CLDN1: variants seen among roughly 807,000 people sequenced by gnomAD.
The protein encoded by CLDN1 is claudin-1.
Under a neutral mutation model 22.6 loss-of-function variants are expected in CLDN1, and 12 were observed. The observed-to-expected ratio is 0.53, with a 90% CI of 0.34 to 0.86. CLDN1 has a LOEUF of 0.86. Among genes scored for constraint, CLDN1 ranks in the 40% least tolerant of loss-of-function variants. The probability of loss-of-function intolerance (pLI) is 0.02; values close to 1 mark genes in which losing one functional copy is unlikely to be tolerated. For missense variants in CLDN1, 250 were observed against 269.5 expected (o/e 0.93, Z 0.51); for synonymous variants, 99 against 103.8 (o/e 0.95, Z 0.28).
rs1350097497 is a variant in CLDN1 at position 190,305,802 on chromosome 3, G to T, written c.*2475C>A. The T allele has an allele frequency of 1.3e-5, 2 of 152,126 alleles. No individual in the cohort carries two copies. Among genetic ancestry groups the T allele is most frequent in the African/African-American group, 4.8e-5 (2 of 41,422 alleles). 9.4% of individuals were successfully genotyped at this position (152,126 alleles called of 1,614,324 possible). On this transcript the variant is annotated 3_prime_UTR_variant, in exon 4 of 4. Coordinates refer to ENST00000295522, the MANE Select transcript of CLDN1 (RefSeq NM_021101.5). The stretch of plus-strand genomic sequence containing the variant: ...AAAATGTCTATTGGTCTGTTTCCAG[G>T]TGTGGTAGAAGAATATAAAAAGATC...
At chr3:190,313,130 GA>G in intron 1 of CLDN1, 94 bp from the exon 2 acceptor site, 1 of 1,440,698 alleles carries the variant, frequency 6.9e-7, no homozygotes, top group South Asian at 1.2e-5. Flanking sequence ...TTGTATGGAA[GA>G]GAGAAAACTG....
At chr3:190,310,310 C>T (rs573951377) in intron 2 of CLDN1, 57 bp from the exon 3 acceptor site, 147 of 1,363,292 alleles carry the variant, frequency 1.1e-4, no homozygotes, top group Non-Finnish European at 1.5e-4. Context: ...AGCCTAAATA[C>T]ACAACCTGTT....
At chr3:190,321,694 G>A (rs1350330524) in intron 1 of CLDN1, among the ~76,000 whole-genome samples, 2 of 152,082 alleles carry the variant, frequency 1.3e-5, no homozygotes, top group Non-Finnish European at 2.9e-5. Context: ...TTCAAGTTTG[G>A]CCTTCACTCC....
chr3:190,316,102 G>A (rs1217563558), intron 1 of CLDN1, among the ~76,000 whole-genome samples: 4 of 152,232 alleles, frequency 2.6e-5, no homozygotes, highest in Admixed American at 2.0e-4. Flanking sequence ...TGATTGCTAA[G>A]AAACCTATCA....
In CLDN1 at chr3:190,308,304, T is replaced by C. The variant is rs1266558189; in HGVS notation, c.609A>G (p.Ala203=). The C allele has an allele frequency of 6.2e-7, 1 of 1,613,812 alleles. No individual in the cohort carries two copies. Among genetic ancestry groups the C allele is most frequent in the Non-Finnish European group, 8.5e-7 (1 of 1,179,834 alleles). Reference sequence around the variant, plus strand: ...ACACGTAGTCTTTCCCGCTGGAAGGTGCAGGTTTTGGATAGGGCCTTGGTG... The same window carrying C: ...ACACGTAGTCTTTCCCGCTGGAAGGCGCAGGTTTTGGATAGGGCCTTGGTG... ...YPTPRPYPKP[A]PSSGKDYV Residue 203 remains alanine, a synonymous_variant, in exon 4 of 4, where the codon GCA becomes GCG. Coordinates refer to ENST00000295522, the MANE Select transcript of CLDN1 (RefSeq NM_021101.5).
At chr3:190,319,376 C>T (rs1200143139) in intron 1 of CLDN1, among the ~76,000 whole-genome samples, 1 of 152,152 alleles carries the variant, frequency 6.6e-6, no homozygotes, top group Admixed American at 6.5e-5. Flanking sequence ...CTACAATACA[C>T]AATGTGACAT....
At position 190,308,264 on chromosome 3, in the gene CLDN1, T is replaced by G. The variant is rs867085422; in HGVS notation, c.*13A>C. 1 of 1,613,662 alleles carries G rather than the reference T, an allele frequency of 6.2e-7. No individual in the cohort carries two copies. Among genetic ancestry groups the G allele is most frequent in the Middle Eastern group, 1.7e-4 (1 of 6,048 alleles). On this transcript the variant is annotated 3_prime_UTR_variant, in exon 4 of 4. Coordinates refer to ENST00000295522, the MANE Select transcript of CLDN1 (RefSeq NM_021101.5). The stretch of plus-strand genomic sequence containing the variant: ...GGTTTGTTTCAACATGATTTTCTCC[T>G]TTTGCCTCTGTGTCACACGTAGTCT...
At chr3:190,321,511 T>C (rs887625462) in intron 1 of CLDN1, among the ~76,000 whole-genome samples, 2 of 152,198 alleles carry the variant, frequency 1.3e-5, no homozygotes, top group African/African-American at 4.8e-5. Context: ...AAAAATCATA[T>C]TAAAGGTTAA....
chr3:190,316,074 G>A (rs921574899), intron 1 of CLDN1, among the ~76,000 whole-genome samples: 1 of 152,116 alleles, frequency 6.6e-6, no homozygotes, highest in African/African-American at 2.4e-5. Flanking sequence ...AGGGGCTGGG[G>A]ACTGATATTC....
chr3:190,322,242 C>T lies in CLDN1; in HGVS notation c.-36G>A. 2 of 1,594,586 alleles carry T rather than the reference C, an allele frequency of 1.3e-6. No homozygotes were observed. The highest frequency in any genetic ancestry group is 1.7e-6 in the Non-Finnish European group (2 of 1,164,820). On this transcript the variant is annotated 5_prime_UTR_variant, in exon 1 of 4. Coordinates refer to ENST00000295522, the MANE Select transcript of CLDN1 (RefSeq NM_021101.5). ...GGCGCCCGCGCTGGCTCAGGGGTGG[C>T]AGGTGCAGAAGGCGGAGAGTTTGCA...
intron 1 of CLDN1, among the ~76,000 whole-genome samples, chr3:190,320,480 C>G (rs1391129511): frequency 6.6e-6 from 1 of 152,114 alleles, no homozygotes; most frequent in Admixed American, 6.6e-5. Context: ...GGGCAATGAG[C>G]AACACATAAT....
Position 190,307,321 on chromosome 3 carries a change from G to T in CLDN1, c.*956C>A, listed in dbSNP as rs1207384165. The T allele has an allele frequency of 6.6e-6, 1 of 152,034 alleles. No homozygotes were observed. Among genetic ancestry groups the T allele is most frequent in the Non-Finnish European group, 1.5e-5 (1 of 67,976 alleles). The allele number at this position is 152,034 out of a possible 1,614,324, so 9.4% of individuals were successfully genotyped here. A position where few individuals can be genotyped will look rare whatever the true frequency, so the allele number is the denominator to read the frequency against. ...GAAAACAATACAATTAAGGAATGGGGAACAAAAAGGTAGTTTAGGGGGATA... is the reference window on the plus strand; with the variant it reads ...GAAAACAATACAATTAAGGAATGGGTAACAAAAAGGTAGTTTAGGGGGATA... On this transcript the variant is annotated 3_prime_UTR_variant, in exon 4 of 4. Coordinates refer to ENST00000295522, the MANE Select transcript of CLDN1 (RefSeq NM_021101.5).
chr3:190,307,513 T>C lies in CLDN1; in HGVS notation c.*764A>G, dbSNP rs531266099. 2 of 152,318 alleles carry C rather than the reference T, an allele frequency of 1.3e-5. No individual in the cohort carries two copies. The highest frequency in any genetic ancestry group is 4.8e-5 in the African/African-American group (2 of 41,578). The allele number at this position is 152,318 out of a possible 1,614,324, so 9.4% of individuals were successfully genotyped here. On this transcript the variant is annotated 3_prime_UTR_variant, in exon 4 of 4. Coordinates refer to ENST00000295522, the MANE Select transcript of CLDN1 (RefSeq NM_021101.5). ...GGGAAGGTCAACAGGAATTTATCAC[T>C]TTGGTCATGCAGAAAGATTTGCCTC...
intron 1 of CLDN1, among the ~76,000 whole-genome samples, chr3:190,321,539 T>G (rs1702395458): frequency 6.6e-6 from 1 of 152,220 alleles, no homozygotes; most frequent in African/African-American, 2.4e-5. Context: ...TATCTAATAC[T>G]TGAGGATTAT....
chr3:190,310,228 T>C lies in CLDN1; in HGVS notation c.414A>G (p.Ala138=). Residue 138 remains alanine, a synonymous_variant, in exon 3 of 4, where the codon GCA becomes GCG. Transcript: ENST00000295522. ...CTTGAACGATTCTATTGCCATACCA[T>C]GCTGTGGCAACTAAAATAGCCAGAC... ...LAGLAILVAT[A]WYGNRIVQEF... The C allele has an allele frequency of 6.2e-7, 1 of 1,613,904 alleles. No homozygotes were observed. The highest frequency in any genetic ancestry group is 8.5e-7 in the Non-Finnish European group (1 of 1,179,856).
At position 190,322,007 on chromosome 3, in the gene CLDN1, A is replaced by G; in HGVS notation, c.200T>C (p.Phe67Ser). 1 of 1,614,168 alleles carries G rather than the reference A, an allele frequency of 6.2e-7. No individual in the cohort carries two copies. The highest frequency in any genetic ancestry group is 8.5e-7 in the Non-Finnish European group (1 of 1,180,022). Reference sequence around the variant, plus strand: ...ACTGCTCAGATTCAGCAAGGAGTCAAAGACTTTGCACTGGATCTGCCCGGT... The same window carrying G: ...ACTGCTCAGATTCAGCAAGGAGTCAGAGACTTTGCACTGGATCTGCCCGGT... ...QSTGQIQCKV[F>S]DSLLNLSSTL... The change falls in exon 1 of 4, where the codon TTT becomes TCT. Residue 67 changes from phenylalanine (F) to serine (S), a missense_variant. Transcript: ENST00000295522.
chr3:190,316,951 G>T (rs550466308), intron 1 of CLDN1, among the ~76,000 whole-genome samples: 1 of 152,200 alleles, frequency 6.6e-6, no homozygotes, highest in Non-Finnish European at 1.5e-5. Flanking sequence ...AATACAAATT[G>T]TACTTTTTGC....
chr3:190,309,373 T>C (rs1376476972), intron 3 of CLDN1, among the ~76,000 whole-genome samples: 1 of 152,220 alleles, frequency 6.6e-6, no homozygotes, highest in African/African-American at 2.4e-5. Flanking sequence ...CATTGCAGTA[T>C]GTGTTCTCCC....
At chr3:190,321,949 T>C in intron 1 of CLDN1, 35 bp downstream of exon 1, 1 of 1,579,254 alleles carries the variant, frequency 6.3e-7, no homozygotes, top group Non-Finnish European at 8.7e-7. Context: ...GACTGGGGCC[T>C]CTGGACGGCC....
Sources: allele counts gnomAD v4.1 joint callset (sites outside exome capture counted in the v4.1 genomes callset), GRCh38; gene constraint gnomAD v4.1.1; transcripts MANE v1.5; gene names NCBI Gene and HGNC (gene_info 2026-07-23, HGNC 2026-07-21).